VASN: variants seen among roughly 807,000 people sequenced by gnomAD.
VASN encodes vasorin, also known as protein slit-like 2.
VASN carries 5 observed loss-of-function variants against 4.8 expected under a neutral mutation model. That is an observed-to-expected ratio of 1.03 (90% CI 0.54 to 2.17). VASN has a LOEUF of 2.17. Among genes scored for constraint, VASN ranks in the 30% most tolerant of loss-of-function variants. The probability of loss-of-function intolerance (pLI) is 0.01; values close to 1 mark genes in which losing one functional copy is unlikely to be tolerated. For missense variants in VASN, 927 were observed against 948.8 expected, an observed-to-expected ratio of 0.98 and a Z score of 0.30; for synonymous variants, 499 against 460.8, an observed-to-expected ratio of 1.08 and a Z score of -1.06.
intron 1 of VASN, among the ~76,000 whole-genome samples, chr16:4,380,057 C>CA (rs779747877): frequency 0.037 from 3,322 of 90,000 alleles, 62 homozygotes; most frequent in Non-Finnish European, 0.048. Flanking sequence ...GACTCCGTCT[C>CA]AAAAAAAAAA....
rs2055058813 is a variant in VASN, at chr16:4,383,058, GT to G, written c.*160del. 1.3e-6 allele frequency: 1 copy of G among 793,884 alleles called. No individual in the cohort carries two copies. Among genetic ancestry groups the G allele is most frequent in the African/African-American group, 1.8e-5 (1 of 55,254 alleles). The allele number at this position is 793,884 out of a possible 1,614,324, so 49.2% of individuals were successfully genotyped here. On this transcript the variant is annotated 3_prime_UTR_variant, in exon 2 of 2. Transcript: ENST00000304735. ...TGGGCCCTGTTCCCTCTGGACCTCG[GT>G]CTCCTCATCTGTGAGATGCTGTGGC...
In VASN at chr16:4,381,098, G is replaced by A; in HGVS notation, c.221G>A (p.Gly74Asp). 6.2e-7 allele frequency: 1 copy of A among 1,606,670 alleles called. No individual in the cohort carries two copies. The highest frequency in any genetic ancestry group is 8.5e-7 in the Non-Finnish European group (1 of 1,177,500). The change falls in exon 2 of 2, where the codon GGC becomes GAC. Residue 74 changes from glycine to aspartate, a missense_variant. Gly to Asp is a moderately conservative substitution (Grantham distance 94). Coordinates refer to ENST00000304735, the MANE Select transcript of VASN (RefSeq NM_138440.3). ...ATGCTCGACGCAGGCAGCTTTGCCG[G>A]CCTGCCGGGCCTGCAGCTCCTGGAC... Reference protein sequence around the residue: ...ITMLDAGSFAGLPGLQLLDLS... With the variant: ...ITMLDAGSFADLPGLQLLDLS...
At position 4,382,921 on chromosome 16, in the gene VASN, TG is replaced by T; in HGVS notation, c.*26del. ...CTAAGCCAGAGAGAGACAGGGCAGCTGGGGCCGGGCTCTCAGCCAGTGAGAT... is the reference window on the plus strand; with the variant it reads ...CTAAGCCAGAGAGAGACAGGGCAGCTGGGCCGGGCTCTCAGCCAGTGAGAT... On this transcript the variant is annotated 3_prime_UTR_variant, in exon 2 of 2. Coordinates refer to ENST00000304735, the MANE Select transcript of VASN (RefSeq NM_138440.3). 1 of 1,475,024 alleles carries T rather than the reference TG, an allele frequency of 6.8e-7. No individual in the cohort carries two copies. The highest frequency in any genetic ancestry group is 9.0e-7 in the Non-Finnish European group (1 of 1,113,412). 91.4% of individuals were successfully genotyped at this position (1,475,024 alleles called of 1,614,324 possible). A position where few individuals can be genotyped will look rare whatever the true frequency, so the allele number is the denominator to read the frequency against.
At position 4,381,354 on chromosome 16, in the gene VASN, G is replaced by A. The variant is rs149925494; in HGVS notation, c.477G>A (p.Glu159=). Reference sequence around the variant, plus strand: ...TGGAGCTCAAGCTGCAGGACAACGAGCTGCGGGCACTGCCCCCGCTGCGCC... The same window carrying A: ...TGGAGCTCAAGCTGCAGGACAACGAACTGCGGGCACTGCCCCCGCTGCGCC... ...RLLELKLQDN[E]LRALPPLRLP... is the part of the protein sequence containing the mutation. The change falls in exon 2 of 2, where the codon GAG becomes GAA. Residue 159 remains glutamate (E), a synonymous_variant. Transcript: ENST00000304735. 1.1e-5 allele frequency: 18 copies of A among 1,600,962 alleles called. No individual in the cohort carries two copies. The East Asian group carries it at 3.7e-4, about 33-fold the overall frequency.
chr16:4,382,991 C>A lies in VASN; in HGVS notation c.*92C>A. The A allele has an allele frequency of 7.5e-7, 1 of 1,338,230 alleles. No individual in the cohort carries two copies. Among genetic ancestry groups the A allele is most frequent in the Non-Finnish European group, 1.0e-6 (1 of 1,002,780 alleles). 82.9% of individuals were successfully genotyped at this position (1,338,230 alleles called of 1,614,324 possible). ...GCCACACCACGTAAGTTCTCAGTCC[C>A]AACCTCGGGGATGTGTGCAGACAGG... On this transcript the variant is annotated 3_prime_UTR_variant, in exon 2 of 2. Transcript: ENST00000304735.
rs868070989 is a variant in VASN at position 4,382,914 on chromosome 16, G to C, written c.*15G>C. On this transcript the variant is annotated 3_prime_UTR_variant, in exon 2 of 2. Coordinates refer to ENST00000304735, the MANE Select transcript of VASN (RefSeq NM_138440.3). ...CCTACATCTAAGCCAGAGAGAGACA[G>C]GGCAGCTGGGGCCGGGCTCTCAGCC... is the stretch of plus-strand genomic sequence containing the variant. 1 of 1,482,238 alleles carries C rather than the reference G, an allele frequency of 6.7e-7. No individual in the cohort carries two copies. Among genetic ancestry groups the C allele is most frequent in the Non-Finnish European group, 9.0e-7 (1 of 1,117,176 alleles). 91.8% of individuals were successfully genotyped at this position (1,482,238 alleles called of 1,614,324 possible). A position where few individuals can be genotyped will look rare whatever the true frequency, so the allele number is the denominator to read the frequency against.
chr16:4,381,383 C>A lies in VASN; in HGVS notation c.506C>A (p.Pro169His). The A allele has an allele frequency of 6.3e-7, 1 of 1,589,678 alleles. No homozygotes were observed. The highest frequency in any genetic ancestry group is 1.8e-5 in the Admixed American group (1 of 56,944). ...ELRALPPLRL[P>H]RLLLLDLSHN... ...CGGGCACTGCCCCCGCTGCGCCTGC[C>A]CCGCCTGCTGCTGCTGGACCTCAGC... Residue 169 changes from proline (P) to histidine (H), a missense_variant, in exon 2 of 2, where the codon CCC (proline) becomes CAC (histidine). By Grantham distance (77) the Pro-to-His change is moderately conservative (BLOSUM62 -2). Coordinates refer to ENST00000304735, the MANE Select transcript of VASN (RefSeq NM_138440.3).
At position 4,381,720 on chromosome 16, in the gene VASN, C is replaced by A. The variant is rs767936854; in HGVS notation, c.843C>A (p.Gly281=). Residue 281 remains glycine, a synonymous_variant, in exon 2 of 2, where the codon GGC becomes GGA. Coordinates refer to ENST00000304735, the MANE Select transcript of VASN (RefSeq NM_138440.3). Reference sequence around the variant, plus strand: ...ACCTAAGCCTGCAGGCCCTGCCTGGCGACCTCTCGGGCCTCTTCCCCCGCC... The same window carrying A: ...ACCTAAGCCTGCAGGCCCTGCCTGGAGACCTCTCGGGCCTCTTCCCCCGCC... ...VSNLSLQALP[G]DLSGLFPRLR... 1.9e-6 allele frequency: 3 copies of A among 1,606,474 alleles called. No homozygotes were observed. In the Admixed American group the frequency reaches 5.0e-5, roughly 27 times the overall value.
Position 4,381,396 on chromosome 16 carries a change from G to T in VASN, c.519G>T (p.Leu173=). 1 of 1,588,150 alleles carries T rather than the reference G, an allele frequency of 6.3e-7. No individual in the cohort carries two copies. Among genetic ancestry groups the T allele is most frequent in the South Asian group, 1.1e-5 (1 of 88,258 alleles). ...CGCTGCGCCTGCCCCGCCTGCTGCT[G>T]CTGGACCTCAGCCACAACAGCCTCC... ...LPPLRLPRLL[L]LDLSHNSLLA... The change falls in exon 2 of 2, where the codon CTG becomes CTT. Residue 173 remains leucine (L), a synonymous_variant. Transcript: ENST00000304735.
Position 4,382,282 on chromosome 16 carries a change from G to A in VASN, c.1405G>A (p.Glu469Lys), listed in dbSNP as rs760768336. ...RPPRSLTLGIEPVSPTSLRVG... is the reference protein window; with the variant it reads ...RPPRSLTLGIKPVSPTSLRVG... Reference sequence around the variant, plus strand: ...ACCACGGTCCCTGACCCTGGGCATCGAGCCGGTGAGCCCCACCTCCCTGCG... The same window carrying A: ...ACCACGGTCCCTGACCCTGGGCATCAAGCCGGTGAGCCCCACCTCCCTGCG... The change falls in exon 2 of 2, where the codon GAG (glutamate) becomes AAG (lysine). Residue 469 changes from glutamate (E) to lysine (K), a missense_variant. Physicochemically the swap from Glu to Lys is moderately conservative, Grantham distance 56. Coordinates refer to ENST00000304735, the MANE Select transcript of VASN (RefSeq NM_138440.3). The A allele has an allele frequency of 2.4e-5, 38 of 1,608,952 alleles. No individual in the cohort carries two copies. Among genetic ancestry groups the A allele is most frequent in the South Asian group, 7.7e-5 (7 of 90,454 alleles).
chr16:4,381,318 C>T lies in VASN; in HGVS notation c.441C>T (p.Leu147=), dbSNP rs1466242785. Residue 147 remains leucine, a synonymous_variant, in exon 2 of 2, where the codon CTC becomes CTT. Coordinates refer to ENST00000304735, the MANE Select transcript of VASN (RefSeq NM_138440.3). The part of the protein sequence containing the change: ...RHIQPGAFDT[L]DRLLELKLQD... ...TCCAGCCTGGTGCCTTCGACACGCT[C>T]GACCGCCTCCTGGAGCTCAAGCTGC... 3.7e-6 allele frequency: 6 copies of T among 1,611,478 alleles called. No homozygotes were observed. Among genetic ancestry groups the T allele is most frequent in the African/African-American group, 1.3e-5 (1 of 75,026 alleles).
At position 4,381,158 on chromosome 16, in the gene VASN, G is replaced by A. The variant is rs61729358; in HGVS notation, c.281G>A (p.Gly94Glu). Residue 94 changes from glycine to glutamate, a missense_variant, in exon 2 of 2, where the codon GGG becomes GAG. Coordinates refer to ENST00000304735, the MANE Select transcript of VASN (RefSeq NM_138440.3). ...AACCAGATCGCCAGCCTGCCCAGCG[G>A]GGTCTTCCAGCCACTCGCCAACCTC... ...SQNQIASLPS[G>E]VFQPLANLSN... is the part of the protein sequence containing the mutation. 3.4e-4 allele frequency: 541 copies of A among 1,611,400 alleles called. 2 individuals are homozygous for A. The African/African-American group carries it at 6.6e-3, about 20-fold the overall frequency.
Position 4,382,936 on chromosome 16 carries a change from A to G in VASN, c.*37A>G. Reference sequence around the variant, plus strand: ...ACAGGGCAGCTGGGGCCGGGCTCTCAGCCAGTGAGATGGCCAGCCCCCTCC... The same window carrying G: ...ACAGGGCAGCTGGGGCCGGGCTCTCGGCCAGTGAGATGGCCAGCCCCCTCC... On this transcript the variant is annotated 3_prime_UTR_variant, in exon 2 of 2. Coordinates refer to ENST00000304735, the MANE Select transcript of VASN (RefSeq NM_138440.3). 1 of 1,458,474 alleles carries G rather than the reference A, an allele frequency of 6.9e-7. No homozygotes were observed. The highest frequency in any genetic ancestry group is 9.1e-7 in the Non-Finnish European group (1 of 1,104,596). 90.3% of individuals were successfully genotyped at this position (1,458,474 alleles called of 1,614,324 possible).
chr16:4,381,651 G>A lies in VASN; in HGVS notation c.774G>A (p.Glu258=). The A allele has an allele frequency of 1.2e-6, 2 of 1,602,490 alleles. No homozygotes were observed. Among genetic ancestry groups the A allele is most frequent in the Non-Finnish European group, 1.7e-6 (2 of 1,175,492 alleles). Residue 258 remains glutamate, a synonymous_variant, in exon 2 of 2, where the codon GAG becomes GAA. Transcript: ENST00000304735. ...CCCGCATTGCCCAGCTGCGGCCCGA[G>A]GACCTGGCCGGCCTGGCTGCCCTGC... ...GNTRIAQLRP[E]DLAGLAALQE...
chr16:4,379,898 A>T (rs2054888913), intron 1 of VASN, among the ~76,000 whole-genome samples: 1 of 151,120 alleles, frequency 6.6e-6, no homozygotes, highest in African/African-American at 2.4e-5. Context: ...AAAAAAAAAA[A>T]AATACAAAAA....
At chr16:4,380,441 T>C (rs1411822774) in intron 1 of VASN, among the ~76,000 whole-genome samples, 1 of 152,258 alleles carries the variant, frequency 6.6e-6, no homozygotes, top group African/African-American at 2.4e-5. Context: ...GGCAGCCAGC[T>C]TCTCTGCTTA....
Position 4,381,106 on chromosome 16 carries a change from G to T in VASN, c.229G>T (p.Gly77Cys), listed in dbSNP as rs149613642. 4 of 1,609,112 alleles carry T rather than the reference G, an allele frequency of 2.5e-6. No individual in the cohort carries two copies. Among genetic ancestry groups the T allele is most frequent in the Non-Finnish European group, 3.4e-6 (4 of 1,178,486 alleles). Residue 77 changes from glycine to cysteine, a missense_variant, in exon 2 of 2, where the codon GGC (glycine) becomes TGC (cysteine). By Grantham distance (159) the Gly-to-Cys change is radical. Coordinates refer to ENST00000304735, the MANE Select transcript of VASN (RefSeq NM_138440.3). Reference protein sequence around the residue: ...LDAGSFAGLPGLQLLDLSQNQ... With the variant: ...LDAGSFAGLPCLQLLDLSQNQ... ...CGCAGGCAGCTTTGCCGGCCTGCCG[G>T]GCCTGCAGCTCCTGGACCTGTCACA...
intron 1 of VASN, among the ~76,000 whole-genome samples, chr16:4,379,070 A>G (rs1349321645): frequency 6.6e-6 from 1 of 151,906 alleles, no homozygotes; most frequent in Non-Finnish European, 1.5e-5. Context: ...GCTCCTCCTC[A>G]CATTCCAGGA....
chr16:4,379,824 C>G lies in VASN; in HGVS notation c.-9-1045C>G, dbSNP rs537891612. Among the ~76,000 whole-genome samples, 4 of 150,554 alleles carry G rather than the reference C, an allele frequency of 2.7e-5. No individual in the cohort carries two copies. In the East Asian group the frequency reaches 7.8e-4, roughly 29 times the overall value. ...TTTGGAGGCTGAGGCGGGCAGATCA[C>G]CTGAGGTCAGGAGTTCCAGACCAAC... is the stretch of plus-strand genomic sequence containing the variant. On this transcript the variant is annotated intron_variant, in intron 1 of 1. Coordinates refer to ENST00000304735, the MANE Select transcript of VASN (RefSeq NM_138440.3).
Sources: allele counts gnomAD v4.1 joint callset (sites outside exome capture counted in the v4.1 genomes callset), GRCh38; gene constraint gnomAD v4.1.1; transcripts MANE v1.5; gene names NCBI Gene and HGNC (gene_info 2026-07-23, HGNC 2026-07-21).